Variants in HERC3 observed in about 807,000 individuals in gnomAD.
HERC3 encodes the protein HECT and RLD domain containing E3 ubiquitin protein ligase 3.
HERC3 carries 58 observed loss-of-function variants against 129.9 expected under a neutral mutation model. That is an observed-to-expected ratio of 0.45 (90% confidence interval 0.36 to 0.56). The LOEUF (loss-of-function observed/expected upper bound fraction) is 0.56. HERC3 is among the 20% of genes least tolerant of loss of function. The pLI, the probability that HERC3 is intolerant of heterozygous loss-of-function variation, is 0.00. For missense variants in HERC3, 835 were observed against 1,244.2 expected (o/e 0.67, Z 4.95); for synonymous variants, 430 against 451.0 (o/e 0.95, Z 0.59).
upstream of HERC3, among the ~76,000 whole-genome samples, chr4:88,589,006 C>A (rs1433945275): frequency 1.3e-5 from 2 of 151,962 alleles, no homozygotes; most frequent in East Asian, 3.9e-4. Context: ...GAGTTTGAAG[C>A]CAGCCTGGGC....
rs573681169 is a variant in HERC3, at chr4:88,602,128, C to T, written c.-29-3667C>T. ...TGTATATTTGGAAACCGGCTGGGCT[C>T]CGTGGCTCACACCTGTGATCCAAGC... On this transcript the variant is annotated intron_variant, in intron 2 of 25. Coordinates refer to ENST00000402738, the MANE Select transcript of HERC3 (RefSeq NM_014606.3). 6.3e-4 allele frequency among the ~76,000 whole-genome samples: 96 copies of T among 151,316 alleles called. No individual in the cohort carries two copies. The Middle Eastern group carries it at 0.017, about 27-fold the overall frequency.
At chr4:88,690,811 CTG>C in intron 23 of HERC3, among the ~76,000 whole-genome samples, 1 of 152,324 alleles carries the variant, frequency 6.6e-6, no homozygotes, top group East Asian at 1.9e-4. Context: ...GTCACTCTCA[CTG>C]TCTTTCTCCT....
At chr4:88,593,101 TGCGCCGA>T (rs1721911214) in intron 1 of HERC3, 1 of 152,086 alleles carries the variant, frequency 6.6e-6, no homozygotes, top group Non-Finnish European at 1.5e-5. Context: ...GCGAGGAGTT[TGCGCCGA>T]GGACGCGGTG....
At chr4:88,651,160 AT>A (rs1458975823) in intron 4 of HERC3, among the ~76,000 whole-genome samples, 23 of 152,208 alleles carry the variant, frequency 1.5e-4, no homozygotes, top group Non-Finnish European at 2.9e-4. Flanking sequence ...AATGGCAAAA[AT>A]ATTTCATTTG....
chr4:88,554,364 A>AGATAAATAACAAGTGTGAGCT, the HERC3 span, among the ~76,000 whole-genome samples: 1 of 151,530 alleles, frequency 6.6e-6, no homozygotes, highest in Non-Finnish European at 1.5e-5. Flanking sequence ...AAAAAAAAAA[A>AGATAAATAACAAGTGTGAGCT]GGTATCCTGG....
At chr4:88,682,139 T>G (rs1025465952) in intron 21 of HERC3, among the ~76,000 whole-genome samples, 1 of 152,216 alleles carries the variant, frequency 6.6e-6, no homozygotes, top group African/African-American at 2.4e-5. Flanking sequence ...TTGACTATTA[T>G]GAATAATACT....
chr4:88,652,326 A>G lies in HERC3; in HGVS notation c.463+238A>G, dbSNP rs894442170. Among the ~76,000 whole-genome samples the G allele has an allele frequency of 8.5e-5, 13 of 152,208 alleles. No homozygotes were observed. In the East Asian group the frequency reaches 1.3e-3, roughly 16 times the overall value. On this transcript the variant is annotated intron_variant, in intron 5 of 25. Transcript: ENST00000402738. ...CCAACTTTCACAGGGGAAGATAAGC[A>G]GGGGGCAGGACCATACCTAGGTGTT...
At chr4:88,630,174 C>G (rs1217613213) in intron 3 of HERC3, among the ~76,000 whole-genome samples, 1 of 152,140 alleles carries the variant, frequency 6.6e-6, no homozygotes, top group African/African-American at 2.4e-5. Flanking sequence ...GATTCTGTTA[C>G]TTCTCTGATA....
At chr4:88,672,004 C>T (rs931850226) in intron 16 of HERC3, among the ~76,000 whole-genome samples, 5 of 151,992 alleles carry the variant, frequency 3.3e-5, no homozygotes, top group South Asian at 2.1e-4. Flanking sequence ...ACATTATGAG[C>T]AGAAAAATAA....
chr4:88,654,486 A>T (rs1225265587), intron 7 of HERC3, among the ~76,000 whole-genome samples: 1 of 146,340 alleles, frequency 6.8e-6, no homozygotes, highest in Non-Finnish European at 1.5e-5. Context: ...GTATATATTT[A>T]TATATATATA....
intron 23 of HERC3, among the ~76,000 whole-genome samples, chr4:88,699,497 A>G (rs1277545312): frequency 3.5e-5 from 5 of 143,360 alleles, no homozygotes; most frequent in African/African-American, 1.3e-4. Context: ...CTTCTTTCTC[A>G]CTCCCATATA....
At chr4:88,595,120 A>AAAT (rs1722212350) in intron 1 of HERC3, among the ~76,000 whole-genome samples, 1 of 151,280 alleles carries the variant, frequency 6.6e-6, no homozygotes, top group Non-Finnish European at 1.5e-5. Context: ...AAAAAAAAAA[A>AAAT]AAAGAAAAGG....
chr4:88,587,970 C>T (rs1417802875), upstream of HERC3, among the ~76,000 whole-genome samples: 1 of 152,238 alleles, frequency 6.6e-6, no homozygotes, highest in African/African-American at 2.4e-5. Context: ...ACTTCACTTC[C>T]TAAAGGCTTT....
At chr4:88,619,755 G>T (rs1302705299) in intron 3 of HERC3, among the ~76,000 whole-genome samples, 1 of 152,154 alleles carries the variant, frequency 6.6e-6, no homozygotes, top group Non-Finnish European at 1.5e-5. Context: ...CCTTTAATTT[G>T]ATAAGAAAAA....
At chr4:88,537,915 AC>A in the HERC3 span, among the ~76,000 whole-genome samples, 2 of 152,236 alleles carry the variant, frequency 1.3e-5, no homozygotes, top group African/African-American at 2.4e-5. Context: ...TGTTTCTGTG[AC>A]ACTGTGCATT....
chr4:88,574,039 G>A, the HERC3 span, among the ~76,000 whole-genome samples: 2 of 152,142 alleles, frequency 1.3e-5, no homozygotes, highest in Non-Finnish European at 2.9e-5. Context: ...CCAGATCACA[G>A]GTTTCCCTAT....
chr4:88,556,783 T>A, the HERC3 span, among the ~76,000 whole-genome samples: 2 of 150,036 alleles, frequency 1.3e-5, no homozygotes, highest in Non-Finnish European at 2.9e-5. Flanking sequence ...AATTTCAAAT[T>A]CCTCTCCATG....
chr4:88,532,447 G>A, the HERC3 span, among the ~76,000 whole-genome samples: 1 of 152,200 alleles, frequency 6.6e-6, no homozygotes, highest in African/African-American at 2.4e-5. Flanking sequence ...GCTCAAATGA[G>A]AAGCAAATGC....
At chr4:88,619,404 T>C (rs989334401) in intron 3 of HERC3, among the ~76,000 whole-genome samples, 9 of 152,186 alleles carry the variant, frequency 5.9e-5, no homozygotes, top group African/African-American at 1.9e-4. Context: ...ACTTAATAAA[T>C]GGTGTTGGTA....
Sources: allele counts gnomAD v4.1 joint callset (sites outside exome capture counted in the v4.1 genomes callset), GRCh38; gene constraint gnomAD v4.1.1; transcripts MANE v1.5; gene names NCBI Gene and HGNC (gene_info 2026-07-23, HGNC 2026-07-21).